The following ELMOD2 variants were observed in gnomAD, a reference collection of about 807,000 sequenced individuals.
ELMOD2 encodes the protein ELMO domain-containing protein 2.
Under a neutral mutation model 41.0 loss-of-function variants are expected in ELMOD2, and 28 were observed. That is an observed-to-expected ratio of 0.68 (90% CI 0.51 to 0.94). The LOEUF (loss-of-function observed/expected upper bound fraction) is 0.94. Ranked by LOEUF, ELMOD2 falls within the 40% of genes least tolerant of loss-of-function variation. ELMOD2 has a pLI of 0.00. For synonymous variants in ELMOD2, 106 were observed against 107.2 expected, an observed-to-expected ratio of 0.99 and a Z score of 0.07; for missense variants, 333 against 343.1, an observed-to-expected ratio of 0.97 and a Z score of 0.23.
intron 8 of ELMOD2, among the ~76,000 whole-genome samples, chr4:140,547,468 G>A (rs1435837917): frequency 6.6e-6 from 1 of 152,004 alleles, no homozygotes; most frequent in Non-Finnish European, 1.5e-5. Flanking sequence ...TTCCGGTCTA[G>A]GATGTCTCCA....
chr4:140,540,125 A>G (rs1178072385), intron 5 of ELMOD2, 43 bp from the exon 6 acceptor site: 5 of 1,598,388 alleles, frequency 3.1e-6, no homozygotes, highest in African/African-American at 1.3e-5. Context: ...GTTACAAGCT[A>G]TGAGAAAGAA....
chr4:140,550,234 T>C lies in ELMOD2; in HGVS notation c.741T>C (p.Tyr247=), dbSNP rs767127237. The change falls in exon 9 of 9, where the codon TAT becomes TAC. Residue 247 remains tyrosine (Y), a synonymous_variant. Transcript: ENST00000323570. ...TMEHFHQFYC[Y]LVYEFDKFWF... is the part of the protein sequence containing the mutation. ...TTTGTTTTTCTTTAACTGCAGGTTA[T>C]CTTGTCTATGAATTTGACAAGTTTT... 5.0e-6 allele frequency: 8 copies of C among 1,608,468 alleles called. No homozygotes were observed. The South Asian group carries it at 8.9e-5, about 18-fold the overall frequency.
At chr4:140,544,236 T>C (rs1735196872) in intron 8 of ELMOD2, among the ~76,000 whole-genome samples, 1 of 152,188 alleles carries the variant, frequency 6.6e-6, no homozygotes, top group Admixed American at 6.5e-5. Flanking sequence ...ATTTGAATGT[T>C]GGTAGCATAT....
chr4:140,533,848 A>T (rs571135789), intron 3 of ELMOD2, among the ~76,000 whole-genome samples: 23 of 152,206 alleles, frequency 1.5e-4, no homozygotes, highest in African/African-American at 5.3e-4. Flanking sequence ...GTGTGTATGT[A>T]TACACACTTG....
chr4:140,526,635 G>A (rs1038296954), intron 2 of ELMOD2: 1 of 152,206 alleles, frequency 6.6e-6, no homozygotes. Flanking sequence ...TCGGAAGAAT[G>A]ACAGACAGAC....
At chr4:140,533,346 A>T (rs998494105) in intron 3 of ELMOD2, among the ~76,000 whole-genome samples, 4 of 152,192 alleles carry the variant, frequency 2.6e-5, no homozygotes, top group African/African-American at 9.6e-5. Flanking sequence ...GAGAGACCAG[A>T]AATTGACCAC....
rs539842427 is a variant in ELMOD2 at position 140,537,953 on chromosome 4, T to C, written c.399+412T>C. ...TTCAGCTACTTACAAGTTGAAAACA[T>C]GTGTGTCCCTTTTCAGATTATTTTG... On this transcript the variant is annotated intron_variant, in intron 5 of 8. Transcript: ENST00000323570. Among the ~76,000 whole-genome samples the C allele has an allele frequency of 1.0e-3, 155 of 152,114 alleles. 1 individual carries two copies. The highest frequency in any genetic ancestry group is 2.0e-3 in the Non-Finnish European group (135 of 67,950).
Position 140,550,668 on chromosome 4 carries a change from T to C in ELMOD2, c.*293T>C, listed in dbSNP as rs1456022514. The C allele has an allele frequency of 5.7e-6, 1 of 176,930 alleles. No homozygotes were observed. The highest frequency in any genetic ancestry group is 1.6e-4 in the East Asian group (1 of 6,450). The allele number at this position is 176,930 out of a possible 1,614,324, so 11.0% of individuals were successfully genotyped here. A position where few individuals can be genotyped will look rare whatever the true frequency, so the allele number is the denominator to read the frequency against. ...TGTAAAAGTATAAATCAGGTATTTGTATTAAATTGATTAAAATGTGTAAAA... is the reference window on the plus strand; with the variant it reads ...TGTAAAAGTATAAATCAGGTATTTGCATTAAATTGATTAAAATGTGTAAAA... On this transcript the variant is annotated 3_prime_UTR_variant, in exon 9 of 9. Coordinates refer to ENST00000323570, the MANE Select transcript of ELMOD2 (RefSeq NM_153702.4).
intron 3 of ELMOD2, among the ~76,000 whole-genome samples, chr4:140,534,224 T>A (rs1734839136): frequency 6.6e-6 from 1 of 152,092 alleles, no homozygotes; most frequent in African/African-American, 2.4e-5. Context: ...AGGGACAAAT[T>A]ACAGATATGA....
intron 8 of ELMOD2, among the ~76,000 whole-genome samples, chr4:140,545,231 C>G (rs562744787): frequency 6.6e-6 from 1 of 152,042 alleles, no homozygotes; most frequent in East Asian, 1.9e-4. Context: ...CGTTTCTTTT[C>G]GAAACATTAT....
intron 3 of ELMOD2, 141 bp downstream of exon 3, chr4:140,527,635 G>C: frequency 1.6e-6 from 1 of 635,620 alleles, no homozygotes; most frequent in Non-Finnish European, 2.6e-6. Context: ...GTAATATTCT[G>C]TTTTCAAACA....
chr4:140,540,760 A>G (rs1374111726), intron 6 of ELMOD2, among the ~76,000 whole-genome samples: 2 of 141,102 alleles, frequency 1.4e-5, no homozygotes, highest in Non-Finnish European at 3.1e-5. Context: ...AAAAAAAAAA[A>G]GACATTGGTG....
intron 5 of ELMOD2, 55 bp downstream of exon 5, chr4:140,537,596 G>T: frequency 6.3e-7 from 1 of 1,577,400 alleles, no homozygotes; most frequent in Non-Finnish European, 8.6e-7. Flanking sequence ...AATAAATCAG[G>T]CTTCAGCTAA....
chr4:140,527,789 A>G (rs1578755106), intron 3 of ELMOD2: 1 of 327,070 alleles, frequency 3.1e-6, no homozygotes, highest in East Asian at 6.6e-5. Context: ...GTCGTCTTTT[A>G]GACTGTGTCC....
intron 3 of ELMOD2, among the ~76,000 whole-genome samples, chr4:140,533,259 T>G (rs780547682): frequency 1.3e-5 from 2 of 152,192 alleles, no homozygotes; most frequent in Non-Finnish European, 2.9e-5. Flanking sequence ...GAACCTAGAA[T>G]AGCCCACGTA....
intron 6 of ELMOD2, among the ~76,000 whole-genome samples, chr4:140,540,777 T>C (rs1735081667): frequency 6.6e-6 from 1 of 151,440 alleles, no homozygotes; most frequent in African/African-American, 2.4e-5. Flanking sequence ...GGTGGAAATA[T>C]AATTGTGTAT....
At chr4:140,549,203 G>GTTTTTTTTTATTTGTTTT (rs1385086669) in intron 8 of ELMOD2, among the ~76,000 whole-genome samples, 2 of 151,966 alleles carry the variant, frequency 1.3e-5, no homozygotes, top group Admixed American at 6.6e-5. Flanking sequence ...TGTATTAATA[G>GTTTTTTTTTATTTGTTTT]CTTTTTTATT....
chr4:140,544,185 A>C (rs913887133), intron 8 of ELMOD2, among the ~76,000 whole-genome samples: 5 of 152,160 alleles, frequency 3.3e-5, no homozygotes, highest in Admixed American at 6.6e-5. Flanking sequence ...GTTTTTCTTC[A>C]CACAGTACTT....
chr4:140,528,962 A>G (rs968510448), intron 3 of ELMOD2, among the ~76,000 whole-genome samples: 7 of 152,218 alleles, frequency 4.6e-5, no homozygotes, highest in African/African-American at 1.2e-4. Flanking sequence ...TATTTGAAAC[A>G]TAGGATGCAG....
Sources: gnomAD v4.1 joint callset for allele counts (sites outside exome capture counted in the v4.1 genomes callset) on GRCh38, gnomAD v4.1.1 for gene constraint, MANE v1.5 for transcripts, NCBI Gene and HGNC (gene_info 2026-07-23, HGNC 2026-07-21) for gene names.